PDHX: variants seen among roughly 807,000 people sequenced by gnomAD.
PDHX encodes the protein pyruvate dehydrogenase protein X component, mitochondrial.
PDHX carries 33 observed loss-of-function variants against 55.3 expected under a neutral mutation model. That is an observed-to-expected ratio of 0.60 (90% CI 0.45 to 0.80). The LOEUF (loss-of-function observed/expected upper bound fraction) is 0.80. Ranked by LOEUF, PDHX falls within the 30% of genes least tolerant of loss-of-function variation. The probability of loss-of-function intolerance (pLI) is 0.00; values close to 1 mark genes in which losing one functional copy is unlikely to be tolerated. For missense variants in PDHX, 622 were observed against 619.9 expected (o/e 1.00, Z -0.04); for synonymous variants, 226 against 219.4 (o/e 1.03, Z -0.27).
chr11:34,936,783 C>CTTTT (rs58582234), intron 2 of PDHX, among the ~76,000 whole-genome samples: 25 of 78,976 alleles, frequency 3.2e-4, no homozygotes, highest in African/African-American at 4.4e-4. Flanking sequence ...CTTTTCTTTT[C>CTTTT]TTTTTTTTTT....
At chr11:34,947,337 A>G (rs1328391346) in intron 2 of PDHX, among the ~76,000 whole-genome samples, 169 bp from the exon 3 acceptor site, 1 of 151,022 alleles carries the variant, frequency 6.6e-6, no homozygotes, top group Non-Finnish European at 1.5e-5. Flanking sequence ...GCATACACAT[A>G]CACACACACA....
At chr11:34,984,438 A>G (rs1252718635) in intron 8 of PDHX, 132 bp from the exon 9 acceptor site, 10 of 747,546 alleles carry the variant, frequency 1.3e-5, no homozygotes, top group Non-Finnish European at 2.2e-5. Context: ...CCATTTTTTC[A>G]AACGAAATTT....
At chr11:34,973,122 T>C (rs114792671) in intron 7 of PDHX, among the ~76,000 whole-genome samples, 1 of 152,172 alleles carries the variant, frequency 6.6e-6, no homozygotes, top group Non-Finnish European at 1.5e-5. Flanking sequence ...AGATCTATTA[T>C]TGGCCACATA....
intron 5 of PDHX, 100 bp downstream of exon 5, chr11:34,960,618 A>C (rs1855004594): frequency 1.4e-6 from 1 of 714,468 alleles, no homozygotes; most frequent in Admixed American, 2.3e-5. Context: ...AAGATTTAAA[A>C]GGAGGTACAC....
intron 7 of PDHX, among the ~76,000 whole-genome samples, chr11:34,971,183 A>T (rs1855250759): frequency 6.6e-6 from 1 of 152,156 alleles, no homozygotes; most frequent in Non-Finnish European, 1.5e-5. Context: ...AGATTATTAA[A>T]TTTGTAATAT....
chr11:34,919,800 G>T (rs142941459), intron 1 of PDHX, among the ~76,000 whole-genome samples: 88 of 152,184 alleles, frequency 5.8e-4, no homozygotes, highest in African/African-American at 2.1e-3. Flanking sequence ...CATCTATTAG[G>T]TGCCAGGCAC....
intron 9 of PDHX, among the ~76,000 whole-genome samples, chr11:34,989,649 C>T (rs931115939): frequency 6.6e-6 from 1 of 152,188 alleles, no homozygotes; most frequent in Non-Finnish European, 1.5e-5. Flanking sequence ...CGTCACTTGG[C>T]TGGCTTTTTT....
chr11:34,916,321 G>C, upstream of PDHX: 1 of 1,607,300 alleles, frequency 6.2e-7, no homozygotes, highest in Non-Finnish European at 8.5e-7. Flanking sequence ...TCCAATCTCC[G>C]CACGGCTTTG....
At chr11:34,957,980 T>C (rs1229237062) in intron 4 of PDHX, among the ~76,000 whole-genome samples, 7 of 152,182 alleles carry the variant, frequency 4.6e-5, no homozygotes, top group Admixed American at 1.3e-4. Flanking sequence ...TGATATAAAA[T>C]AGAATTCATG....
chr11:34,992,083 A>G (rs1426055198), intron 9 of PDHX, among the ~76,000 whole-genome samples: 1 of 152,104 alleles, frequency 6.6e-6, no homozygotes, highest in Non-Finnish European at 1.5e-5. Context: ...CCACATTTGA[A>G]AAATTGTTAA....
At chr11:34,975,578 G>GT (rs1855350149) in intron 7 of PDHX, among the ~76,000 whole-genome samples, 1 of 152,008 alleles carries the variant, frequency 6.6e-6, no homozygotes, top group East Asian at 1.9e-4. Flanking sequence ...CCAATTGAAT[G>GT]TTTTTTTAGT....
intron 3 of PDHX, among the ~76,000 whole-genome samples, chr11:34,954,580 C>T (rs1407963935): frequency 6.6e-6 from 1 of 152,188 alleles, no homozygotes; most frequent in African/African-American, 2.4e-5. Flanking sequence ...TTAGTGCTGC[C>T]AGCCACATGC....
chr11:34,963,236 C>G (rs1855058148), intron 5 of PDHX, among the ~76,000 whole-genome samples: 1 of 152,126 alleles, frequency 6.6e-6, no homozygotes, highest in African/African-American at 2.4e-5. Flanking sequence ...TAGCTGTCCC[C>G]AAAATATCTT....
chr11:34,988,558 C>CAA (rs201687707), intron 9 of PDHX, among the ~76,000 whole-genome samples: 3,223 of 140,504 alleles, frequency 0.023, 106 homozygotes, highest in African/African-American at 0.072. Context: ...TGTTTTCTGT[C>CAA]AAAAAAAAAA....
In PDHX at chr11:34,916,771, G is replaced by A. The variant is rs747977950; in HGVS notation, c.116G>A (p.Arg39His). 1 of 1,605,892 alleles carries A rather than the reference G, an allele frequency of 6.2e-7. No individual in the cohort carries two copies. Among genetic ancestry groups the A allele is most frequent in the South Asian group, 1.1e-5 (1 of 89,872 alleles). Reference protein sequence around the residue: ...VKGALGWSVSRGANWRWFHST... With the variant: ...VKGALGWSVSHGANWRWFHST... ...GGGGCTCTTGGGTGGTCTGTAAGCC[G>A]CGGAGCTAATTGGAGATGGTTTCAC... is the stretch of plus-strand genomic sequence containing the variant. Residue 39 changes from arginine (R) to histidine (H), a missense_variant, in exon 1 of 11, where the codon CGC becomes CAC. Coordinates refer to ENST00000227868, the MANE Select transcript of PDHX (RefSeq NM_003477.3).
At position 34,966,754 on chromosome 11, in the gene PDHX, ACCATC is replaced by A; in HGVS notation, c.757_761del (p.Pro253LeufsTer23). On this transcript the variant is annotated frameshift_variant, in exon 6 of 11. Coordinates refer to ENST00000227868, the MANE Select transcript of PDHX (RefSeq NM_003477.3). LOFTEE classifies it high-confidence loss of function. Reference sequence around the variant, plus strand: ...CTTCGCCCCTACAGGCCACAGCTGGACCATCTTATCCCCGGCCTGTGATCCCACCA... The same window carrying A: ...CTTCGCCCCTACAGGCCACAGCTGGATTATCCCCGGCCTGTGATCCCACCA... 2 of 1,614,074 alleles carry A rather than the reference ACCATC, an allele frequency of 1.2e-6. No individual in the cohort carries two copies. The highest frequency in any genetic ancestry group is 4.5e-5 in the East Asian group (2 of 44,880).
chr11:34,921,453 A>G (rs1480340443), intron 1 of PDHX, among the ~76,000 whole-genome samples: 2 of 152,172 alleles, frequency 1.3e-5, no homozygotes, highest in Non-Finnish European at 2.9e-5. Flanking sequence ...AAACTGACCC[A>G]AAGTAGACCA....
intron 6 of PDHX, among the ~76,000 whole-genome samples, chr11:34,969,748 A>C (rs868041536): frequency 1.3e-5 from 2 of 152,134 alleles, no homozygotes; most frequent in African/African-American, 4.8e-5. Flanking sequence ...ATGTATGTAC[A>C]CACACATATA....
At position 34,984,678 on chromosome 11, in the gene PDHX, A is replaced by G. The variant is rs1424826116; in HGVS notation, c.1132A>G (p.Ile378Val). The change falls in exon 9 of 11, where the codon ATA becomes GTA. Residue 378 changes from isoleucine (I) to valine (V), a missense_variant. Transcript: ENST00000227868. ...ATDKGLLTPIIKDAAAKGIQE... is the reference protein window; with the variant it reads ...ATDKGLLTPIVKDAAAKGIQE... ...AGATAAAGGCTTACTTACTCCAATC[A>G]TAAAAGATGCTGCTGCTAAAGGTAT... The G allele has an allele frequency of 3.7e-6, 6 of 1,614,026 alleles. No homozygotes were observed. The highest frequency in any genetic ancestry group is 2.2e-5 in the East Asian group (1 of 44,882).
Sources: allele counts gnomAD v4.1 joint callset (sites outside exome capture counted in the v4.1 genomes callset), GRCh38; gene constraint gnomAD v4.1.1; transcripts MANE v1.5; gene names NCBI Gene and HGNC (gene_info 2026-07-23, HGNC 2026-07-21).